Variants in KLF9 observed in about 807,000 individuals in gnomAD.
KLF9 encodes KLF transcription factor 9.
In KLF9, 2 loss-of-function variants were observed where a neutral mutation model predicts 17.3. That is an observed-to-expected ratio of 0.12 (90% CI 0.05 to 0.36). KLF9 has a LOEUF of 0.36. Ranked by LOEUF, KLF9 falls within the 10% of genes least tolerant of loss-of-function variation. The pLI is 1.00. For missense variants in KLF9, 226 were observed against 333.2 expected, an observed-to-expected ratio of 0.68 and a Z score of 2.51; for synonymous variants, 138 against 139.2, an observed-to-expected ratio of 0.99 and a Z score of 0.06.
rs757301357 is a variant in KLF9 at position 70,385,889 on chromosome 9, A to T, written c.*1887T>A. Reference sequence around the variant, plus strand: ...ATCCCATGGACTGCTCCCAGTCCCTAATGTTAAAAGCAGTTCTCTTTATAG... The same window carrying T: ...ATCCCATGGACTGCTCCCAGTCCCTTATGTTAAAAGCAGTTCTCTTTATAG... On this transcript the variant is annotated 3_prime_UTR_variant, in exon 2 of 2. Coordinates refer to ENST00000377126, the MANE Select transcript of KLF9 (RefSeq NM_001206.4). 2.0e-5 allele frequency: 3 copies of T among 152,220 alleles called. No homozygotes were observed. The highest frequency in any genetic ancestry group is 1.9e-4 in the East Asian group (1 of 5,206). The allele number at this position is 152,220 out of a possible 1,614,324, so 9.4% of individuals were successfully genotyped here.
chr9:70,388,756 T>C (rs1426249242), intron 1 of KLF9, among the ~76,000 whole-genome samples: 2 of 152,198 alleles, frequency 1.3e-5, no homozygotes, highest in Non-Finnish European at 2.9e-5. Context: ...CATCTGGTTG[T>C]TCCTGAGCAT....
At chr9:70,409,144 G>GTGTATATA (rs2037288665) in intron 1 of KLF9, among the ~76,000 whole-genome samples, 1 of 55,448 alleles carries the variant, frequency 1.8e-5, no homozygotes, top group African/African-American at 4.6e-5. Context: ...ACATATATAT[G>GTGTATATA]TATATGTATA....
At chr9:70,404,483 T>C (rs2037243394) in intron 1 of KLF9, among the ~76,000 whole-genome samples, 1 of 151,166 alleles carries the variant, frequency 6.6e-6, no homozygotes, top group Admixed American at 6.6e-5. Context: ...GAGGCTGAGG[T>C]GGGAGGATTG....
intron 1 of KLF9, among the ~76,000 whole-genome samples, chr9:70,394,005 T>G (rs1469313756): frequency 5.8e-5 from 7 of 120,756 alleles, no homozygotes; most frequent in East Asian, 2.3e-4. Flanking sequence ...TGGGTGAGAG[T>G]GAGACTGAGA....
intron 1 of KLF9, among the ~76,000 whole-genome samples, chr9:70,408,053 A>C (rs2118925355): frequency 6.6e-6 from 1 of 152,296 alleles, no homozygotes; most frequent in Admixed American, 6.5e-5. Context: ...GTCCATAAAC[A>C]GCTCAAGTGT....
chr9:70,388,136 C>T, intron 1 of KLF9, 131 bp from the exon 2 acceptor site: 1 of 723,190 alleles, frequency 1.4e-6, no homozygotes, highest in Non-Finnish European at 2.3e-6. Context: ...GTCCCCCTCC[C>T]CAAAATCCCT....
chr9:70,389,966 G>A (rs2037141753), intron 1 of KLF9, among the ~76,000 whole-genome samples: 1 of 152,214 alleles, frequency 6.6e-6, no homozygotes, highest in South Asian at 2.1e-4. Context: ...AGAACCCATA[G>A]AGAAACTGCA....
At chr9:70,395,727 C>T (rs563723790) in intron 1 of KLF9, among the ~76,000 whole-genome samples, 1 of 152,056 alleles carries the variant, frequency 6.6e-6, no homozygotes, top group Non-Finnish European at 1.5e-5. Flanking sequence ...GCAGATTGCT[C>T]GAGCCCAGGA....
rs542879347 is a variant in KLF9, at chr9:70,401,052, G to C, written c.505+11807C>G. The stretch of plus-strand genomic sequence containing the variant: ...TTTGGGAAGAAATGCCTCGGGTTAG[G>C]CTGGGTGTTAGTGACTCATTCCTGT... On this transcript the variant is annotated intron_variant, in intron 1 of 1. Coordinates refer to ENST00000377126, the MANE Select transcript of KLF9 (RefSeq NM_001206.4). Among the ~76,000 whole-genome samples, 3 of 151,964 alleles carry C rather than the reference G, an allele frequency of 2.0e-5. No homozygotes were observed. In the South Asian group the frequency reaches 6.2e-4, roughly 32 times the overall value.
intron 1 of KLF9, among the ~76,000 whole-genome samples, chr9:70,397,670 T>C (rs1453201020): frequency 1.3e-5 from 2 of 152,074 alleles, no homozygotes; most frequent in African/African-American, 2.4e-5. Context: ...CAAAGGAGTG[T>C]CCTTGTTAGA....
chr9:70,387,457 C>CCCCCAAAA lies in KLF9; in HGVS notation c.*318_*319insTTTTGGGG. 5.9e-6 allele frequency: 1 copy of CCCCCAAAA among 170,194 alleles called. No individual in the cohort carries two copies. 10.5% of individuals were successfully genotyped at this position (170,194 alleles called of 1,614,324 possible). On this transcript the variant is annotated 3_prime_UTR_variant, in exon 2 of 2. Transcript: ENST00000377126. ...CCCACCCACTCCCTACCCTCCCCCG[C>CCCCCAAAA]AAAAAAATAAAAGGAGAAAAAAAAA...
At chr9:70,399,555 T>G (rs2037208393) in intron 1 of KLF9, among the ~76,000 whole-genome samples, 1 of 152,276 alleles carries the variant, frequency 6.6e-6, no homozygotes, top group African/African-American at 2.4e-5. Flanking sequence ...TTTGCAATTT[T>G]GGTGATTTTT....
Position 70,413,246 on chromosome 9 carries a change from CAGGTAGTCGCAGCCGCTCGGCGTCCGG to C in KLF9, c.91_117del (p.Pro31_Pro39del). The C allele has an allele frequency of 6.2e-7, 1 of 1,613,826 alleles. No homozygotes were observed. The highest frequency in any genetic ancestry group is 8.5e-7 in the Non-Finnish European group (1 of 1,179,996). Reference sequence around the variant, plus strand: ...CCGTGCTCCTTGGTCACCTCGCGCTCAGGTAGTCGCAGCCGCTCGGCGTCCGGAGCGACCCCATGCTCCGGCACCGCA... The same window carrying C: ...CCGTGCTCCTTGGTCACCTCGCGCTCAGCGACCCCATGCTCCGGCACCGCA... On this transcript the variant is annotated inframe_deletion, in exon 1 of 2. Coordinates refer to ENST00000377126, the MANE Select transcript of KLF9 (RefSeq NM_001206.4). This position sits in a 1 kb window ranked among gnomAD's most constrained non-coding sequence, Gnocchi z 5.6.
chr9:70,407,044 C>A (rs1335585772), intron 1 of KLF9, among the ~76,000 whole-genome samples: 1 of 151,612 alleles, frequency 6.6e-6, no homozygotes, highest in Non-Finnish European at 1.5e-5. Flanking sequence ...CCAACTAGAG[C>A]ATGTCAGATT....
intron 1 of KLF9, among the ~76,000 whole-genome samples, chr9:70,401,890 CTG>C (rs1297472505): frequency 6.6e-6 from 1 of 151,606 alleles, no homozygotes; most frequent in African/African-American, 2.4e-5. Context: ...TGGCATGTCC[CTG>C]TAGTCCCAGC....
intron 1 of KLF9, among the ~76,000 whole-genome samples, chr9:70,403,962 C>G (rs2118921320): frequency 6.6e-6 from 1 of 152,272 alleles, no homozygotes; most frequent in South Asian, 2.1e-4. Flanking sequence ...AACACAGGGT[C>G]TCTTCCCACT....
chr9:70,401,131 C>T (rs1286512446), intron 1 of KLF9, among the ~76,000 whole-genome samples: 1 of 142,066 alleles, frequency 7.0e-6, no homozygotes, highest in African/African-American at 2.7e-5. Flanking sequence ...GCCAGGAGTT[C>T]GAGACCAGCC....
At chr9:70,388,477 A>C (rs781207837) in intron 1 of KLF9, among the ~76,000 whole-genome samples, 7 of 152,208 alleles carry the variant, frequency 4.6e-5, no homozygotes, top group Non-Finnish European at 7.3e-5. Flanking sequence ...GTGTTATGGC[A>C]GCCCAAACTA....
intron 1 of KLF9, among the ~76,000 whole-genome samples, chr9:70,393,759 T>C (rs2037165571): frequency 6.6e-6 from 1 of 152,158 alleles, no homozygotes; most frequent in Non-Finnish European, 1.5e-5. Context: ...AATCAAGACT[T>C]CTTCTAGAAG....
Sources: gnomAD v4.1 joint callset for allele counts (sites outside exome capture counted in the v4.1 genomes callset) on GRCh38, gnomAD v4.1.1 for gene constraint, Gnocchi (gnomAD v3.1) non-coding constraint, MANE v1.5 for transcripts, NCBI Gene and HGNC (gene_info 2026-07-23, HGNC 2026-07-21) for gene names.